MSI2: variants seen among roughly 807,000 people sequenced by gnomAD.
MSI2 encodes the protein musashi RNA binding protein 2, also known as RNA-binding protein Musashi homolog 2.
MSI2 carries 17 observed loss-of-function variants against 45.6 expected under a neutral mutation model. The observed-to-expected ratio is 0.37, with a 90% confidence interval of 0.26 to 0.56. The LOEUF (loss-of-function observed/expected upper bound fraction) is 0.56, where lower values mean the gene tolerates loss of function less well. Ranked by LOEUF, MSI2 falls within the 20% of genes least tolerant of loss-of-function variation. MSI2 has a pLI of 0.77. For synonymous variants in MSI2, 156 were observed against 158.2 expected (o/e 0.99, Z 0.11); for missense variants, 293 against 444.2 (o/e 0.66, Z 3.06).
At chr17:57,420,193 A>G (rs1226574701) in intron 6 of MSI2, among the ~76,000 whole-genome samples, 1 of 152,190 alleles carries the variant, frequency 6.6e-6, no homozygotes, top group Non-Finnish European at 1.5e-5. Context: ...GCATTTTATC[A>G]GCATCTTTCT....
At chr17:57,512,136 T>G (rs1460103966) in intron 6 of MSI2, among the ~76,000 whole-genome samples, 2 of 152,256 alleles carry the variant, frequency 1.3e-5, no homozygotes, top group African/African-American at 2.4e-5. Context: ...GCATGGGGCC[T>G]GCACAGCCTA....
chr17:57,423,819 C>A (rs1230092000), intron 6 of MSI2, among the ~76,000 whole-genome samples: 3 of 152,148 alleles, frequency 2.0e-5, no homozygotes, highest in Admixed American at 2.0e-4. Flanking sequence ...TGGAGCCAAA[C>A]CACCAAAATG....
intron 7 of MSI2, among the ~76,000 whole-genome samples, chr17:57,536,569 T>A: frequency 6.6e-6 from 1 of 152,246 alleles, no homozygotes; most frequent in Non-Finnish European, 1.5e-5. Flanking sequence ...AAATCTGCTC[T>A]TATCTTTTCA....
Position 57,501,275 on chromosome 17 carries a change from C to A in MSI2, c.406-28401C>A, listed in dbSNP as rs559513450. 2.0e-5 allele frequency among the ~76,000 whole-genome samples: 3 copies of A among 152,222 alleles called. No homozygotes were observed. In the East Asian group the frequency reaches 5.8e-4, roughly 29 times the overall value. On this transcript the variant is annotated intron_variant, in intron 6 of 13. Transcript: ENST00000284073. Reference sequence around the variant, plus strand: ...TTAGTCTGGAGGAACGGCTTGACTCCGGACATCTGCAGGAGTGTTTGCTGT... The same window carrying A: ...TTAGTCTGGAGGAACGGCTTGACTCAGGACATCTGCAGGAGTGTTTGCTGT...
intron 10 of MSI2, among the ~76,000 whole-genome samples, chr17:57,649,100 G>A (rs1300366696): frequency 1.3e-5 from 2 of 152,170 alleles, no homozygotes; most frequent in African/African-American, 4.8e-5. Context: ...GCCTCTGGCA[G>A]CCCCAGCTGG....
chr17:57,335,010 G>C (rs1300440400), intron 5 of MSI2, among the ~76,000 whole-genome samples: 2 of 151,570 alleles, frequency 1.3e-5, no homozygotes, highest in Non-Finnish European at 2.9e-5. Context: ...TTTAAAATAA[G>C]CATAATCTTT....
In MSI2 at chr17:57,546,704, C is replaced by T. The variant is rs918179341; in HGVS notation, c.454+16980C>T. On this transcript the variant is annotated intron_variant, in intron 7 of 13. Transcript: ENST00000284073. ...GGATGCTGATCTGTCCATGTGTTCC[C>T]TTTGGGTTTCCCCAGGATGGCCAGG... Among the ~76,000 whole-genome samples, 60 of 152,212 alleles carry T rather than the reference C, an allele frequency of 3.9e-4. 1 individual carries two copies. Among genetic ancestry groups the T allele is most frequent in the Admixed American group, 2.0e-4 (3 of 15,286 alleles).
At chr17:57,389,105 A>G (rs1188533919) in intron 5 of MSI2, among the ~76,000 whole-genome samples, 1 of 151,330 alleles carries the variant, frequency 6.6e-6, no homozygotes, top group African/African-American at 2.4e-5. Context: ...CAGCCTCCCA[A>G]GTAGCTGGGA....
chr17:57,620,800 G>A (rs1811050649), intron 9 of MSI2, among the ~76,000 whole-genome samples: 1 of 152,208 alleles, frequency 6.6e-6, no homozygotes, highest in African/African-American at 2.4e-5. Flanking sequence ...GGTCTCCTAA[G>A]ATGTCCCAAA....
At chr17:57,544,578 A>C (rs1374142340) in intron 7 of MSI2, among the ~76,000 whole-genome samples, 1 of 152,212 alleles carries the variant, frequency 6.6e-6, no homozygotes, top group Non-Finnish European at 1.5e-5. Context: ...TAGTCATTCC[A>C]TGAAGAGATT....
intron 6 of MSI2, among the ~76,000 whole-genome samples, chr17:57,431,971 AACTT>A (rs2084603531): frequency 6.6e-6 from 1 of 152,174 alleles, no homozygotes; most frequent in Admixed American, 6.5e-5. Flanking sequence ...CTGTAGGTAC[AACTT>A]GCTCTGTCCC....
chr17:57,667,603 G>T (rs1253465499), intron 11 of MSI2, among the ~76,000 whole-genome samples: 2 of 152,170 alleles, frequency 1.3e-5, no homozygotes, highest in African/African-American at 4.8e-5. Context: ...TTGCCTCCTG[G>T]AAACCTGCAA....
intron 5 of MSI2, among the ~76,000 whole-genome samples, chr17:57,328,711 A>G (rs1285839803): frequency 1.3e-5 from 2 of 152,002 alleles, no homozygotes; most frequent in Non-Finnish European, 2.9e-5. Flanking sequence ...GTATAAACAG[A>G]CAATGAACAT....
chr17:57,588,142 G>C (rs1904482989), intron 7 of MSI2, among the ~76,000 whole-genome samples: 1 of 152,062 alleles, frequency 6.6e-6, no homozygotes, highest in Admixed American at 6.6e-5. Context: ...AGGAGGGAGG[G>C]CTGTGCTAAG....
At chr17:57,374,323 C>T (rs1362373819) in intron 5 of MSI2, among the ~76,000 whole-genome samples, 2 of 152,166 alleles carry the variant, frequency 1.3e-5, no homozygotes, top group Non-Finnish European at 2.9e-5. Flanking sequence ...AATCCAATTC[C>T]AACTTGAGTA....
chr17:57,504,172 C>G (rs78563012), intron 6 of MSI2, among the ~76,000 whole-genome samples: 5,809 of 152,296 alleles, frequency 0.038, 165 homozygotes, highest in Admixed American at 0.058. Flanking sequence ...CAGGGCATTG[C>G]CCTCTCGGTT....
intron 6 of MSI2, among the ~76,000 whole-genome samples, chr17:57,436,953 C>T (rs1029773532): frequency 6.6e-6 from 1 of 152,176 alleles, no homozygotes; most frequent in Non-Finnish European, 1.5e-5. Context: ...AAGTACTTGA[C>T]ATTGGATTCA....
chr17:57,408,901 G>A (rs1000693006), intron 6 of MSI2, among the ~76,000 whole-genome samples: 7 of 135,304 alleles, frequency 5.2e-5, no homozygotes, highest in East Asian at 2.6e-4. Context: ...CCCCACCTCC[G>A]TAGGATACCC....
intron 7 of MSI2, among the ~76,000 whole-genome samples, chr17:57,540,678 C>T (rs928348437): frequency 2.0e-5 from 3 of 152,152 alleles, no homozygotes; most frequent in Non-Finnish European, 2.9e-5. Flanking sequence ...AGGGGCAGTG[C>T]GGCTGCAAGC....
Sources: gnomAD v4.1 joint callset for allele counts (sites outside exome capture counted in the v4.1 genomes callset) on GRCh38, gnomAD v4.1.1 for gene constraint, MANE v1.5 for transcripts, NCBI Gene and HGNC (gene_info 2026-07-23, HGNC 2026-07-21) for gene names.